Variants in OTUD7A observed in about 807,000 individuals in gnomAD.
The protein encoded by OTUD7A is OTU deubiquitinase 7A.
OTUD7A carries 12 observed loss-of-function variants against 65.7 expected under a neutral mutation model. That is an observed-to-expected ratio of 0.18 (90% CI 0.12 to 0.30). The LOEUF is 0.30. Among genes scored for constraint, OTUD7A ranks in the 10% least tolerant of loss-of-function variants. OTUD7A has a pLI of 1.00. For synonymous variants in OTUD7A, 641 were observed against 586.3 expected (o/e 1.09, Z -1.35); for missense variants, 1,148 against 1,304.8 (o/e 0.88, Z 1.85).
intron 1 of OTUD7A, among the ~76,000 whole-genome samples, chr15:31,865,770 T>C (rs1056099223): frequency 6.6e-6 from 1 of 152,186 alleles, no homozygotes; most frequent in Admixed American, 6.5e-5. Context: ...CACAGAGGGA[T>C]GGGTGTATGG....
At chr15:31,766,175 T>C in intron 1 of OTUD7A, 1 of 1,495,212 alleles carries the variant, frequency 6.7e-7, no homozygotes, top group South Asian at 1.1e-5. Flanking sequence ...AAACTAATCT[T>C]CCAGCAAGAA....
At chr15:31,646,217 A>G (rs941620641) in intron 3 of OTUD7A, among the ~76,000 whole-genome samples, 1 of 151,994 alleles carries the variant, frequency 6.6e-6, no homozygotes, top group Non-Finnish European at 1.5e-5. Flanking sequence ...TGTGAAAGGG[A>G]ATGGCATGGA....
rs200371475 is a variant in OTUD7A at position 31,576,273 on chromosome 15, GGACA to G, written c.152-6080_152-6077del. On this transcript the variant is annotated intron_variant, in intron 3 of 12. Coordinates refer to ENST00000307050, the MANE Select transcript of OTUD7A (RefSeq NM_001382637.1). ...GCTTATCCCACAGGTGTGGGACAAA[GGACA>G]GACAGAACTCTAAGTCATCTCTCTG... Among the ~76,000 whole-genome samples, 590 of 152,272 alleles carry G rather than the reference GGACA, an allele frequency of 3.9e-3. 1 individual carries two copies. The highest frequency in any genetic ancestry group is 0.013 in the Admixed American group (197 of 15,296).
chr15:31,660,690 G>A (rs1892136355), intron 1 of OTUD7A, among the ~76,000 whole-genome samples: 1 of 152,232 alleles, frequency 6.6e-6, no homozygotes, highest in Non-Finnish European at 1.5e-5. Flanking sequence ...TTCTTTCTGA[G>A]GAATAAGAAG....
intron 1 of OTUD7A, among the ~76,000 whole-genome samples, chr15:31,815,341 A>T (rs1349603070): frequency 1.3e-5 from 2 of 152,186 alleles, no homozygotes; most frequent in Non-Finnish European, 2.9e-5. Flanking sequence ...CAGAAACCAG[A>T]GCCACTGTCA....
chr15:31,689,863 A>G (rs11636734), intron 1 of OTUD7A, among the ~76,000 whole-genome samples: 149,505 of 152,224 alleles, frequency 0.98, 73,478 homozygotes, highest in East Asian at 1. Context: ...TCTGACTTCT[A>G]AGATTCTGGG....
At chr15:31,603,789 G>T (rs1235824390) in intron 3 of OTUD7A, among the ~76,000 whole-genome samples, 1 of 152,116 alleles carries the variant, frequency 6.6e-6, no homozygotes, top group East Asian at 1.9e-4. Context: ...CAAATTATAT[G>T]AACAGACACT....
At chr15:31,566,291 A>C (rs1888872575) in intron 4 of OTUD7A, among the ~76,000 whole-genome samples, 1 of 152,210 alleles carries the variant, frequency 6.6e-6, no homozygotes, top group African/African-American at 2.4e-5. Flanking sequence ...GAACAAGATA[A>C]TGTAAACATT....
chr15:31,669,595 C>T (rs1433690620), intron 1 of OTUD7A, among the ~76,000 whole-genome samples: 2 of 152,228 alleles, frequency 1.3e-5, no homozygotes, highest in African/African-American at 4.8e-5. Context: ...AAGAAAAGGG[C>T]TTGGTTCTAC....
intron 6 of OTUD7A, among the ~76,000 whole-genome samples, chr15:31,527,783 TGAG>T (rs1164431452): frequency 2.6e-5 from 4 of 152,198 alleles, no homozygotes; most frequent in Non-Finnish European, 5.9e-5. Flanking sequence ...CTCAGCTTCC[TGAG>T]AAGCAGAGCG....
At chr15:31,784,324 G>A (rs1895615954) in intron 1 of OTUD7A, among the ~76,000 whole-genome samples, 1 of 152,138 alleles carries the variant, frequency 6.6e-6, no homozygotes, top group African/African-American at 2.4e-5. Context: ...AGCAGTATGA[G>A]GTTAGACTTG....
At chr15:31,784,842 G>A (rs146758663) in intron 1 of OTUD7A, among the ~76,000 whole-genome samples, 4 of 152,300 alleles carry the variant, frequency 2.6e-5, no homozygotes, top group African/African-American at 9.6e-5. Context: ...GGTGAGGAAT[G>A]GCACAGTGAA....
At chr15:31,504,478 C>T (rs1311252507) in intron 8 of OTUD7A, among the ~76,000 whole-genome samples, 2 of 152,216 alleles carry the variant, frequency 1.3e-5, no homozygotes, top group Admixed American at 6.5e-5. Context: ...AACCCTAAGA[C>T]GTTCGGGCAG....
intron 1 of OTUD7A, among the ~76,000 whole-genome samples, chr15:31,793,647 G>A (rs529329270): frequency 1.3e-5 from 2 of 152,284 alleles, no homozygotes; most frequent in South Asian, 2.1e-4. Context: ...ACCAGTGGAA[G>A]GCTTAATGGA....
chr15:31,570,062 TTG>T lies in OTUD7A; in HGVS notation c.285_286del (p.His95GlnfsTer41). On this transcript the variant is annotated frameshift_variant, in exon 4 of 13. Coordinates refer to ENST00000307050, the MANE Select transcript of OTUD7A (RefSeq NM_001382637.1). LOFTEE classifies it high-confidence loss of function. Reference sequence around the variant, plus strand: ...CCTCTGCAGGCAGGGTCGCTCCACCTTGTGCCCGGGCTGTGGCTCTCGCTCTG... The same window carrying T: ...CCTCTGCAGGCAGGGTCGCTCCACCTTGCCCGGGCTGTGGCTCTCGCTCTG... 1 of 1,614,176 alleles carries T rather than the reference TTG, an allele frequency of 6.2e-7. No individual in the cohort carries two copies. Among genetic ancestry groups the T allele is most frequent in the South Asian group, 1.1e-5 (1 of 91,082 alleles).
Position 31,528,791 on chromosome 15 carries a change from G to A in OTUD7A, c.653-1483C>T, listed in dbSNP as rs2141120530. Among the ~76,000 whole-genome samples, 3 of 152,380 alleles carry A rather than the reference G, an allele frequency of 2.0e-5. 1 individual carries two copies. The highest frequency in any genetic ancestry group is 2.0e-4 in the Admixed American group (3 of 15,314). ...CTCAACGTCAGGCCAGGCCAACAGG[G>A]GTTCCACAAGGACTGCTGGTGAATG... is the stretch of plus-strand genomic sequence containing the variant. On this transcript the variant is annotated intron_variant, in intron 6 of 12. Coordinates refer to ENST00000307050, the MANE Select transcript of OTUD7A (RefSeq NM_001382637.1).
At chr15:31,592,865 G>A (rs184845953) in intron 3 of OTUD7A, among the ~76,000 whole-genome samples, 1,716 of 93,678 alleles carry the variant, frequency 0.018, 42 homozygotes, top group African/African-American at 0.071. Context: ...GGGTGACAGA[G>A]CAAGGCTCTG....
intron 1 of OTUD7A, among the ~76,000 whole-genome samples, chr15:31,784,446 A>G (rs1042693883): frequency 2.6e-5 from 4 of 152,154 alleles, no homozygotes; most frequent in African/African-American, 9.7e-5. Flanking sequence ...ACATAAAACA[A>G]TGCCATCCTT....
At chr15:31,611,555 T>C (rs1188778827) in intron 3 of OTUD7A, among the ~76,000 whole-genome samples, 3 of 151,954 alleles carry the variant, frequency 2.0e-5, no homozygotes, top group Admixed American at 6.6e-5. Context: ...CTAGAAAACA[T>C]AGAAGAGATG....
Sources: allele counts gnomAD v4.1 joint callset (sites outside exome capture counted in the v4.1 genomes callset), GRCh38; gene constraint gnomAD v4.1.1; transcripts MANE v1.5; gene names NCBI Gene and HGNC (gene_info 2026-07-23, HGNC 2026-07-21).